Variants in CSMD1 observed in about 807,000 individuals in gnomAD.
CSMD1 encodes the protein CUB and Sushi multiple domains 1.
Under a neutral mutation model 417.5 loss-of-function variants are expected in CSMD1, and 213 were observed. The observed-to-expected ratio is 0.51, with a 90% CI of 0.46 to 0.57. CSMD1 has a LOEUF of 0.57. Among genes scored for constraint, CSMD1 ranks in the 20% least tolerant of loss-of-function variants. The probability of loss-of-function intolerance (pLI) is 0.00; values close to 1 mark genes in which losing one functional copy is unlikely to be tolerated. For synonymous variants in CSMD1, 2,862 were observed against 1,736.8 expected, an observed-to-expected ratio of 1.65 and a Z score of -16.11; for missense variants, 6,923 against 4,529.7, an observed-to-expected ratio of 1.53 and a Z score of -15.17.
intron 40 of CSMD1, among the ~76,000 whole-genome samples, chr8:3,147,519 T>C (rs956235135): frequency 1.3e-5 from 2 of 152,180 alleles, no homozygotes; most frequent in Admixed American, 1.3e-4. Flanking sequence ...CATTTCCTAC[T>C]TCAGCTGGGG....
chr8:3,734,606 G>T (rs764874904), intron 6 of CSMD1, among the ~76,000 whole-genome samples: 1 of 152,176 alleles, frequency 6.6e-6, no homozygotes, highest in Non-Finnish European at 1.5e-5. Context: ...AACTACTCGG[G>T]AGTCTGAGGC....
At chr8:4,374,353 G>C (rs565213310) in intron 3 of CSMD1, among the ~76,000 whole-genome samples, 1 of 152,270 alleles carries the variant, frequency 6.6e-6, no homozygotes, top group South Asian at 2.1e-4. Context: ...TTCAGAATCT[G>C]ATTATAGGTG....
chr8:3,486,712 T>G (rs927326271), intron 11 of CSMD1, among the ~76,000 whole-genome samples: 1 of 152,202 alleles, frequency 6.6e-6, no homozygotes, highest in Non-Finnish European at 1.5e-5. Flanking sequence ...GGCTTCTTCT[T>G]CCCTGTAGGA....
intron 28 of CSMD1, among the ~76,000 whole-genome samples, chr8:3,220,264 GTT>G (rs112875181): frequency 0.26 from 39,451 of 151,558 alleles, 5,255 homozygotes; most frequent in East Asian, 0.29. Context: ...GAATATCCCA[GTT>G]TTTTTTCTCT....
chr8:4,134,003 A>G (rs780851246), intron 3 of CSMD1, among the ~76,000 whole-genome samples: 2 of 152,256 alleles, frequency 1.3e-5, no homozygotes, highest in Non-Finnish European at 2.9e-5. Context: ...AAAGAAGAGA[A>G]ATAATACTTC....
intron 37 of CSMD1, among the ~76,000 whole-genome samples, chr8:3,169,020 T>C (rs1268286814): frequency 5.3e-5 from 8 of 152,320 alleles, no homozygotes; most frequent in African/African-American, 1.7e-4. Flanking sequence ...ATTTAATACA[T>C]GGTTTCCAAA....
intron 3 of CSMD1, among the ~76,000 whole-genome samples, chr8:4,302,075 A>T (rs926198651): frequency 3.3e-5 from 5 of 152,220 alleles, no homozygotes; most frequent in Admixed American, 6.5e-5. Flanking sequence ...CACAAACTTT[A>T]TGAAGACCCC....
intron 11 of CSMD1, among the ~76,000 whole-genome samples, chr8:3,491,144 A>G (rs1316292923): frequency 6.6e-6 from 1 of 152,150 alleles, no homozygotes; most frequent in Non-Finnish European, 1.5e-5. Context: ...ATGCGGTGAG[A>G]GCGTGAGTGT....
intron 2 of CSMD1, among the ~76,000 whole-genome samples, chr8:4,569,232 G>A (rs532121338): frequency 2.0e-5 from 3 of 152,286 alleles, no homozygotes; most frequent in South Asian, 2.1e-4. Flanking sequence ...CCTATGTCCT[G>A]AATGGTATTG....
chr8:4,039,951 G>A (rs534663565), intron 3 of CSMD1, among the ~76,000 whole-genome samples: 1 of 152,152 alleles, frequency 6.6e-6, no homozygotes, highest in Non-Finnish European at 1.5e-5. Context: ...TTATTATAGA[G>A]AATTGTAAAA....
At chr8:4,046,216 A>T (rs1405130768) in intron 3 of CSMD1, among the ~76,000 whole-genome samples, 1 of 152,152 alleles carries the variant, frequency 6.6e-6, no homozygotes, top group Non-Finnish European at 1.5e-5. Context: ...TAATAAAAGC[A>T]TTTTAACAAT....
At chr8:4,631,685 A>G (rs1802524612) in intron 2 of CSMD1, among the ~76,000 whole-genome samples, 1 of 152,222 alleles carries the variant, frequency 6.6e-6, no homozygotes, top group Non-Finnish European at 1.5e-5. Context: ...TTACTGTTTA[A>G]GAAAACTGGA....
intron 1 of CSMD1, among the ~76,000 whole-genome samples, chr8:4,749,805 T>G (rs1158754688): frequency 1.3e-5 from 2 of 152,134 alleles, no homozygotes; most frequent in African/African-American, 4.8e-5. Context: ...TGACACATTG[T>G]TTAAACCATA....
intron 21 of CSMD1, among the ~76,000 whole-genome samples, chr8:3,355,685 T>C (rs545836532): frequency 6.6e-6 from 1 of 152,294 alleles, no homozygotes; most frequent in Admixed American, 6.5e-5. Context: ...AACTGAGAGA[T>C]GCTGAGACCT....
intron 3 of CSMD1, among the ~76,000 whole-genome samples, chr8:4,290,043 C>G (rs553107690): frequency 1.3e-5 from 2 of 152,106 alleles, no homozygotes; most frequent in South Asian, 2.1e-4. Flanking sequence ...AAGGTTTAAC[C>G]AGAACCAACA....
chr8:4,249,060 T>C (rs1802888543), intron 3 of CSMD1, among the ~76,000 whole-genome samples: 1 of 152,180 alleles, frequency 6.6e-6, no homozygotes, highest in South Asian at 2.1e-4. Flanking sequence ...TTACTATTAA[T>C]CTTCCTTGCT....
chr8:3,732,067 A>C (rs1399697417), intron 6 of CSMD1, among the ~76,000 whole-genome samples: 1 of 152,126 alleles, frequency 6.6e-6, no homozygotes, highest in East Asian at 1.9e-4. Context: ...CATTCCTATG[A>C]CCAAAGAGCC....
chr8:3,105,803 G>A (rs781492417), intron 46 of CSMD1, among the ~76,000 whole-genome samples: 73 of 152,282 alleles, frequency 4.8e-4, no homozygotes, highest in Admixed American at 3.6e-3. Flanking sequence ...AAAATATAGC[G>A]TAGCTTAATA....
chr8:4,485,002 A>AAAAAAAAG (rs1801299305), intron 2 of CSMD1, among the ~76,000 whole-genome samples: 1 of 142,292 alleles, frequency 7.0e-6, no homozygotes, highest in Admixed American at 7.0e-5. Flanking sequence ...AAAAAAAAAA[A>AAAAAAAAG]AAAAAAAAAA....
Sources: gnomAD v4.1 joint callset for allele counts (sites outside exome capture counted in the v4.1 genomes callset) on GRCh38, gnomAD v4.1.1 for gene constraint, MANE v1.5 for transcripts, NCBI Gene and HGNC (gene_info 2026-07-23, HGNC 2026-07-21) for gene names.